Variants in DNAH2 observed in about 807,000 individuals in gnomAD.
DNAH2 encodes the protein axonemal beta dynein heavy chain 2.
A neutral mutation model predicts 523.5 loss-of-function variants in DNAH2; 323 were observed. The ratio of observed to expected loss-of-function variants is 0.62; its 90% CI spans 0.56 to 0.68. The LOEUF (loss-of-function observed/expected upper bound fraction) is 0.68. DNAH2 is among the 30% of genes least tolerant of loss of function. The pLI, the probability that DNAH2 is intolerant of heterozygous loss-of-function variation, is 0.00. For missense variants in DNAH2, 4,907 were observed against 5,701.5 expected (o/e 0.86, Z 4.49); for synonymous variants, 2,093 against 2,177.4 (o/e 0.96, Z 1.08).
chr17:7,719,969 A>G, intron 2 of DNAH2, 69 bp downstream of exon 2: 1 of 1,429,064 alleles, frequency 7.0e-7, no homozygotes, highest in Non-Finnish European at 9.2e-7. Context: ...GCTTGGAGGC[A>G]TTTTAGGGCT....
chr17:7,796,738 T>A, intron 50 of DNAH2, 86 bp downstream of exon 50: 1 of 1,421,292 alleles, frequency 7.0e-7, no homozygotes, highest in Non-Finnish European at 9.5e-7. Context: ...TAACACTCAC[T>A]AGCATGCGCA....
At chr17:7,794,171 A>T in intron 48 of DNAH2, 83 bp from the exon 49 acceptor site, 1 of 950,034 alleles carries the variant, frequency 1.1e-6, no homozygotes, top group Non-Finnish European at 1.5e-6. Flanking sequence ...TTTTCCTCCC[A>T]CTCCTTTTCA....
At chr17:7,732,173 G>A (rs1597470316) in intron 4 of DNAH2, among the ~76,000 whole-genome samples, 3 of 151,358 alleles carry the variant, frequency 2.0e-5, no homozygotes, top group East Asian at 1.9e-4. Context: ...GGTGGCTCGC[G>A]CTTGTAATCC....
At chr17:7,820,955 C>CG (rs2077834958) in intron 72 of DNAH2, among the ~76,000 whole-genome samples, 1 of 152,140 alleles carries the variant, frequency 6.6e-6, no homozygotes, top group Non-Finnish European at 1.5e-5. Flanking sequence ...AGGAGAATCG[C>CG]TTGAACCTGG....
chr17:7,765,338 T>C (rs972044390), intron 20 of DNAH2, 53 bp from the exon 21 acceptor site: 1 of 1,515,168 alleles, frequency 6.6e-7, no homozygotes, highest in Non-Finnish European at 9.0e-7. Context: ...CCTCCACGCA[T>C]GAGAGGGCAG....
chr17:7,748,588 C>T (rs117387630), intron 12 of DNAH2, among the ~76,000 whole-genome samples: 2,311 of 152,270 alleles, frequency 0.015, 27 homozygotes, highest in Non-Finnish European at 0.022. Context: ...CTCCGCCTCC[C>T]GGGCTCAAGC....
In DNAH2 at chr17:7,734,718, C is replaced by T. The variant is rs115559091; in HGVS notation, c.978+10C>T. 3.3e-4 allele frequency: 537 copies of T among 1,610,266 alleles called. 5 individuals carry two copies. The African/African-American group carries it at 5.0e-3, about 15-fold the overall frequency. On this transcript the variant is annotated intron_variant, in intron 7 of 85. Transcript: ENST00000572933. ...GGCACAGCAGATCCAGGTTTGTGAGCGAATCAAAGGATTCAGGCTCAGCAA... is the reference window on the plus strand; with the variant it reads ...GGCACAGCAGATCCAGGTTTGTGAGTGAATCAAAGGATTCAGGCTCAGCAA...
chr17:7,829,301 C>A (rs746306623), intron 77 of DNAH2, among the ~76,000 whole-genome samples: 3 of 152,184 alleles, frequency 2.0e-5, no homozygotes, highest in Non-Finnish European at 4.4e-5. Flanking sequence ...CGTGAGCCAG[C>A]GCGCCTGGCC....
chr17:7,792,288 C>T lies in DNAH2; in HGVS notation c.7090C>T (p.Arg2364Trp), dbSNP rs372987711. ...TGAGTATTTTGTGGACCCCAAAATA[C>T]GGAGTTGGACATCATTTGAGGACAA... Reference protein sequence around the residue: ...VYEYFVDPKIRSWTSFEDKLP... With the variant: ...VYEYFVDPKIWSWTSFEDKLP... Residue 2364 changes from arginine (R) to tryptophan (W), a missense_variant, in exon 46 of 86, where the codon CGG becomes TGG. Physicochemically the swap from Arg to Trp is moderately radical, Grantham distance 101 (BLOSUM62 -3). Around this residue, in one of 3 missense-constraint regions of DNAH2, gnomAD observed 2,806 missense variants for 3,190.8 expected, o/e 0.88. Coordinates refer to ENST00000572933, the MANE Select transcript of DNAH2 (RefSeq NM_020877.5). 9 of 1,613,902 alleles carry T rather than the reference C, an allele frequency of 5.6e-6. No individual in the cohort carries two copies. Among genetic ancestry groups the T allele is most frequent in the African/African-American group, 2.7e-5 (2 of 74,858 alleles).
chr17:7,776,757 C>A, intron 31 of DNAH2, 22 bp from the exon 32 acceptor site: 2 of 1,591,044 alleles, frequency 1.3e-6, no homozygotes, highest in South Asian at 1.1e-5. Context: ...GGCTTTGGGA[C>A]GTGGCTTCTG....
intron 48 of DNAH2, among the ~76,000 whole-genome samples, chr17:7,793,827 A>T (rs2076988917): frequency 6.6e-6 from 1 of 151,930 alleles, no homozygotes; most frequent in Admixed American, 6.6e-5. Context: ...TATATCTGGC[A>T]CTCAGGGCCA....
chr17:7,740,445 G>C lies in DNAH2; in HGVS notation c.1402G>C (p.Glu468Gln). The C allele has an allele frequency of 6.2e-7, 1 of 1,614,182 alleles. No individual in the cohort carries two copies. Among genetic ancestry groups the C allele is most frequent in the Non-Finnish European group, 8.5e-7 (1 of 1,180,018 alleles). Residue 468 changes from glutamate to glutamine, a missense_variant, in exon 10 of 86, where the codon GAG becomes CAG. By Grantham distance (29) the Glu-to-Gln change is conservative (BLOSUM62 2). Coordinates refer to ENST00000572933, the MANE Select transcript of DNAH2 (RefSeq NM_020877.5). ...NKFRAGIKDLEVMTQNLITSA... is the reference protein window; with the variant it reads ...NKFRAGIKDLQVMTQNLITSA... The stretch of plus-strand genomic sequence containing the variant: ...GTTCCGTGCCGGAATCAAGGACCTG[G>C]AGGTGATGACCCAGAACCTGATCAC...
intron 59 of DNAH2, among the ~76,000 whole-genome samples, 184 bp from the exon 60 acceptor site, chr17:7,804,774 G>T (rs888352793): frequency 1.3e-5 from 2 of 151,844 alleles, no homozygotes; most frequent in East Asian, 3.9e-4. Flanking sequence ...TAAACCCTGG[G>T]GGCGGAGGTT....
At chr17:7,788,342 C>G in intron 44 of DNAH2, 98 bp downstream of exon 44, 1 of 1,415,048 alleles carries the variant, frequency 7.1e-7, no homozygotes, top group Non-Finnish European at 9.4e-7. Flanking sequence ...AGGTTGAACT[C>G]CAGGCTTGAG....
intron 72 of DNAH2, among the ~76,000 whole-genome samples, chr17:7,820,565 T>G (rs527857440): frequency 3.3e-5 from 5 of 152,242 alleles, no homozygotes; most frequent in Admixed American, 3.3e-4. Flanking sequence ...TACTGCAGCT[T>G]GGGGCAGCTC....
intron 12 of DNAH2, among the ~76,000 whole-genome samples, chr17:7,756,011 G>A (rs1190156856): frequency 1.3e-5 from 2 of 151,894 alleles, no homozygotes; most frequent in Non-Finnish European, 2.9e-5. Context: ...TGGGTGAGGT[G>A]GGTGGATCAC....
rs1304850802 is a variant in DNAH2, at chr17:7,821,856, T to C, written c.11142+487T>C. 1.3e-5 allele frequency among the ~76,000 whole-genome samples: 2 copies of C among 152,142 alleles called. No individual in the cohort carries two copies. Among genetic ancestry groups the C allele is most frequent in the Non-Finnish European group, 2.9e-5 (2 of 68,030 alleles). On this transcript the variant is annotated intron_variant, in intron 73 of 85. Coordinates refer to ENST00000572933, the MANE Select transcript of DNAH2 (RefSeq NM_020877.5). This position sits in a 1 kb window ranked among gnomAD's most constrained non-coding sequence, Gnocchi z 5.0. The stretch of plus-strand genomic sequence containing the variant: ...GACTGGACGCGCTTTAAGTCCATGA[T>C]CGTGAACCTCAAGGAGGCCCCTAAG...
intron 12 of DNAH2, among the ~76,000 whole-genome samples, chr17:7,746,314 ACAGT>A (rs1018142697): frequency 2.0e-5 from 3 of 152,206 alleles, no homozygotes; most frequent in African/African-American, 7.2e-5. Flanking sequence ...CACTCTGAAG[ACAGT>A]CAGTGTTTCA....
chr17:7,818,749 T>A lies in DNAH2; in HGVS notation c.10643T>A (p.Leu3548His). The A allele has an allele frequency of 6.2e-7, 1 of 1,613,898 alleles. No individual in the cohort carries two copies. The highest frequency in any genetic ancestry group is 8.5e-7 in the Non-Finnish European group (1 of 1,179,954). The change falls in exon 70 of 86, where the codon CTC becomes CAC. Residue 3548 changes from leucine (L) to histidine (H), a missense_variant. This residue lies in a region of DNAH2 where 1,851 missense variants were observed against 2,139.4 expected (regional missense o/e 0.87). Coordinates refer to ENST00000572933, the MANE Select transcript of DNAH2 (RefSeq NM_020877.5). ...VINIAAGKRK[L>H]KELEDEILRL... ...AACATCGCGGCTGGTAAAAGGAAGC[T>A]CAAGGAGCTGGAGGATGAGATCCTG...
Sources: allele counts gnomAD v4.1 joint callset (sites outside exome capture counted in the v4.1 genomes callset), GRCh38; gene constraint gnomAD v4.1.1; regional missense constraint gnomAD v4.1.1; non-coding constraint Gnocchi (gnomAD v3.1); transcripts MANE v1.5; gene names NCBI Gene and HGNC (gene_info 2026-07-23, HGNC 2026-07-21).